Variants in HS3ST4 observed in about 807,000 individuals in gnomAD.
HS3ST4 encodes heparan sulfate glucosamine 3-O-sulfotransferase 4.
HS3ST4 carries 17 observed loss-of-function variants against 29.2 expected under a neutral mutation model. The ratio of observed to expected loss-of-function variants is 0.58; its 90% CI spans 0.40 to 0.87. HS3ST4 has a LOEUF of 0.87. HS3ST4 is among the 40% of genes least tolerant of loss of function. The probability of loss-of-function intolerance (pLI) is 0.00; values close to 1 mark genes in which losing one functional copy is unlikely to be tolerated. For missense variants in HS3ST4, 627 were observed against 634.5 expected (o/e 0.99, Z 0.13); for synonymous variants, 314 against 285.7 (o/e 1.10, Z -1.00).
intron 1 of HS3ST4, among the ~76,000 whole-genome samples, chr16:25,777,989 G>T (rs1966849187): frequency 6.6e-6 from 1 of 152,126 alleles, no homozygotes; most frequent in Admixed American, 6.5e-5. Context: ...CTGGAGAGGG[G>T]TGAGAAATTG....
intron 1 of HS3ST4, among the ~76,000 whole-genome samples, chr16:25,696,503 T>TG (rs1044923131): frequency 2.6e-5 from 4 of 151,370 alleles, no homozygotes; most frequent in Non-Finnish European, 5.9e-5. Context: ...TTTGTTTGTT[T>TG]TTTTTTTTCT....
At chr16:25,891,158 A>G (rs1378738929) in intron 1 of HS3ST4, among the ~76,000 whole-genome samples, 1 of 152,208 alleles carries the variant, frequency 6.6e-6, no homozygotes, top group Non-Finnish European at 1.5e-5. Context: ...AGGCTTGCAG[A>G]CTACAGTGAG....
At chr16:25,867,248 A>G (rs947756543) in intron 1 of HS3ST4, among the ~76,000 whole-genome samples, 16 of 152,290 alleles carry the variant, frequency 1.1e-4, no homozygotes, top group Middle Eastern at 3.4e-3. Context: ...AAATTCCCCA[A>G]AGGCTTAAGG....
rs545887877 is a variant in HS3ST4 at position 25,814,438 on chromosome 16, C to G, written c.734+121287C>G. On this transcript the variant is annotated intron_variant, in intron 1 of 1. Transcript: ENST00000331351. ...ATCAGCTCACTGCAACCTCTGCTTCCCGGATTTAAGCCATTCTCCTGCCTC... is the reference window on the plus strand; with the variant it reads ...ATCAGCTCACTGCAACCTCTGCTTCGCGGATTTAAGCCATTCTCCTGCCTC... Among the ~76,000 whole-genome samples, 3 of 152,192 alleles carry G rather than the reference C, an allele frequency of 2.0e-5. No homozygotes were observed. In the South Asian group the frequency reaches 6.2e-4, roughly 32 times the overall value.
intron 1 of HS3ST4, among the ~76,000 whole-genome samples, chr16:25,757,760 T>C (rs1331135252): frequency 6.6e-6 from 1 of 151,940 alleles, no homozygotes; most frequent in Non-Finnish European, 1.5e-5. Flanking sequence ...ATGGGGGCCA[T>C]CTAGATGCAA....
chr16:25,775,034 G>A (rs933064365), intron 1 of HS3ST4, among the ~76,000 whole-genome samples: 6 of 152,150 alleles, frequency 3.9e-5, no homozygotes, highest in African/African-American at 1.2e-4. Flanking sequence ...ATTTATGCAG[G>A]GGCCTTGGTG....
At chr16:25,698,283 G>C (rs959591769) in intron 1 of HS3ST4, among the ~76,000 whole-genome samples, 6 of 152,092 alleles carry the variant, frequency 3.9e-5, no homozygotes, top group African/African-American at 1.4e-4. Flanking sequence ...CTTTGGAGGT[G>C]ATGTAAATGG....
At chr16:25,703,263 G>A (rs1966348666) in intron 1 of HS3ST4, among the ~76,000 whole-genome samples, 1 of 152,150 alleles carries the variant, frequency 6.6e-6, no homozygotes, top group African/African-American at 2.4e-5. Flanking sequence ...GACAAACCAT[G>A]GTTATTTTAG....
intron 1 of HS3ST4, among the ~76,000 whole-genome samples, chr16:25,921,412 A>C (rs7196138): frequency 0.21 from 31,977 of 152,184 alleles, 4,497 homozygotes; most frequent in African/African-American, 0.37. Flanking sequence ...CAGAGATTTT[A>C]ATGATTTTTC....
At chr16:25,977,132 A>G (rs866951836) in intron 1 of HS3ST4, among the ~76,000 whole-genome samples, 1 of 152,050 alleles carries the variant, frequency 6.6e-6, no homozygotes, top group Non-Finnish European at 1.5e-5. Context: ...ATATGTCATT[A>G]TTGTTCTTAT....
chr16:26,032,944 A>T lies in HS3ST4; in HGVS notation c.735-102668A>T, dbSNP rs537460068. The T allele has an allele frequency of 6.9e-6, 5 of 729,520 alleles. No homozygotes were observed. The East Asian group carries it at 1.5e-4, about 22-fold the overall frequency. The allele number at this position is 729,520 out of a possible 1,614,324, so 45.2% of individuals were successfully genotyped here. ...CGGAGGCGTGTTTTAAGACTGATTT[A>T]GATTCAGGCCCAAAGTATTCTTACA... On this transcript the variant is annotated intron_variant, in intron 1 of 1. Transcript: ENST00000331351.
chr16:25,820,376 A>G (rs2141633149), intron 1 of HS3ST4, among the ~76,000 whole-genome samples: 1 of 152,230 alleles, frequency 6.6e-6, no homozygotes, highest in East Asian at 1.9e-4. Flanking sequence ...TTTGTGTGAC[A>G]TGAAACATTT....
At chr16:25,794,889 T>G (rs1966878598) in intron 1 of HS3ST4, among the ~76,000 whole-genome samples, 2 of 134,350 alleles carry the variant, frequency 1.5e-5, no homozygotes, top group South Asian at 4.8e-4. Context: ...AAACCTTTAC[T>G]CAAGAATACA....
At chr16:26,039,462 G>T (rs1039680014) in intron 1 of HS3ST4, among the ~76,000 whole-genome samples, 2 of 151,938 alleles carry the variant, frequency 1.3e-5, no homozygotes, top group African/African-American at 2.4e-5. Context: ...TTTATTTTAT[G>T]TGGGTACATA....
At chr16:25,775,873 C>T (rs557537094) in intron 1 of HS3ST4, among the ~76,000 whole-genome samples, 116 of 152,296 alleles carry the variant, frequency 7.6e-4, no homozygotes, top group African/African-American at 2.7e-3. Context: ...ATGGCACAGA[C>T]CATTTATCTT....
At position 25,692,820 on chromosome 16, in the gene HS3ST4, G is replaced by T. The variant is rs754766513; in HGVS notation, c.403G>T (p.Ala135Ser). Residue 135 changes from alanine to serine, a missense_variant, in exon 1 of 2, where the codon GCC becomes TCC. Ala to Ser is a moderately conservative substitution (Grantham distance 99). Transcript: ENST00000331351. Reference protein sequence around the residue: ...GWGLPSGGGGAQDAWLRTPLA... With the variant: ...GWGLPSGGGGSQDAWLRTPLA... ...GGGGCTGCCGAGCGGCGGCGGAGGC[G>T]CCCAGGACGCCTGGCTCCGGACCCC... is the stretch of plus-strand genomic sequence containing the variant. 2.2e-6 allele frequency: 3 copies of T among 1,386,602 alleles called. No homozygotes were observed. Among genetic ancestry groups the T allele is most frequent in the South Asian group, 1.7e-5 (1 of 60,068 alleles). 85.9% of individuals were successfully genotyped at this position (1,386,602 alleles called of 1,614,324 possible).
intron 1 of HS3ST4, among the ~76,000 whole-genome samples, chr16:26,099,985 G>A (rs1036727737): frequency 3.9e-5 from 6 of 152,160 alleles, no homozygotes; most frequent in Non-Finnish European, 7.3e-5. Context: ...GGGCTGTGTG[G>A]CTATCTGGAG....
chr16:25,976,246 C>A (rs1432755599), intron 1 of HS3ST4, among the ~76,000 whole-genome samples: 5 of 152,128 alleles, frequency 3.3e-5, no homozygotes, highest in Non-Finnish European at 7.3e-5. Flanking sequence ...TTAAAATTCT[C>A]ATTGGTCATT....
chr16:26,000,524 G>T (rs1373784858), intron 1 of HS3ST4, among the ~76,000 whole-genome samples: 2 of 152,090 alleles, frequency 1.3e-5, no homozygotes, highest in African/African-American at 4.8e-5. Flanking sequence ...GGCCAGCCCT[G>T]GTCCTTAATG....
Sources: allele counts gnomAD v4.1 joint callset (sites outside exome capture counted in the v4.1 genomes callset), GRCh38; gene constraint gnomAD v4.1.1; transcripts MANE v1.5; gene names NCBI Gene and HGNC (gene_info 2026-07-23, HGNC 2026-07-21).